CSF1R: variants seen among roughly 807,000 people sequenced by gnomAD.
CSF1R encodes the protein colony stimulating factor 1 receptor, also known as macrophage colony-stimulating factor 1 receptor.
A neutral mutation model predicts 110.0 loss-of-function variants in CSF1R; 40 were observed. The observed-to-expected ratio is 0.36, with a 90% CI of 0.28 to 0.47. CSF1R has a LOEUF of 0.47. Among genes scored for constraint, CSF1R ranks in the 20% least tolerant of loss-of-function variants. The probability of loss-of-function intolerance (pLI) is 0.99; values close to 1 mark genes in which losing one functional copy is unlikely to be tolerated. For missense variants in CSF1R, 1,052 were observed against 1,253.0 expected, an observed-to-expected ratio of 0.84 and a Z score of 2.42; for synonymous variants, 523 against 503.4, an observed-to-expected ratio of 1.04 and a Z score of -0.52.
At chr5:150,069,056 A>C (rs1395944708) in intron 9 of CSF1R, among the ~76,000 whole-genome samples, 1 of 152,198 alleles carries the variant, frequency 6.6e-6, no homozygotes, top group African/African-American at 2.4e-5. Context: ...GGCGCAGCAG[A>C]AGCCTTCAAC....
At chr5:150,097,997 C>G (rs1346400528) in intron 1 of CSF1R, among the ~76,000 whole-genome samples, 1 of 152,166 alleles carries the variant, frequency 6.6e-6, no homozygotes, top group Admixed American at 6.5e-5. Context: ...ACCTGGTTGA[C>G]AGACTCTATA....
Position 150,061,484 on chromosome 5 carries a change from C to T in CSF1R, c.1858+7G>A. The T allele has an allele frequency of 7.6e-7, 1 of 1,313,828 alleles. No individual in the cohort carries two copies. The highest frequency in any genetic ancestry group is 1.1e-6 in the Non-Finnish European group (1 of 926,232). 81.4% of individuals were successfully genotyped at this position (1,313,828 alleles called of 1,614,324 possible). A position where few individuals can be genotyped will look rare whatever the true frequency, so the allele number is the denominator to read the frequency against. On this transcript the variant is annotated splice_region_variant and intron_variant, in intron 12 of 20. Transcript: ENST00000675795. Reference sequence around the variant, plus strand: ...CATCCCTTCCCTCATCCCCTCCCCTCACTCACACTTCAGCATCTTCACAGC... The same window carrying T: ...CATCCCTTCCCTCATCCCCTCCCCTTACTCACACTTCAGCATCTTCACAGC...
intron 13 of CSF1R, among the ~76,000 whole-genome samples, 189 bp from the exon 14 acceptor site, chr5:150,060,051 G>C (rs1011716018): frequency 6.6e-6 from 1 of 152,146 alleles, no homozygotes; most frequent in Admixed American, 6.5e-5. Flanking sequence ...GCTTTGGCGG[G>C]GCACGGTGGC....
intron 18 of CSF1R, 113 bp from the exon 19 acceptor site, chr5:150,055,449 C>G (rs1314658145): frequency 1.2e-6 from 1 of 834,980 alleles, no homozygotes; most frequent in East Asian, 2.5e-5. Flanking sequence ...AACACTGCAA[C>G]AGCAGCTACT....
At chr5:150,066,141 C>A (rs912654328) in intron 10 of CSF1R, among the ~76,000 whole-genome samples, 21 of 152,176 alleles carry the variant, frequency 1.4e-4, no homozygotes, top group African/African-American at 4.8e-4. Flanking sequence ...CAGACCTCCC[C>A]CTCCTTCCAC....
intron 1 of CSF1R, among the ~76,000 whole-genome samples, chr5:150,108,087 A>T (rs554205526): frequency 2.0e-5 from 3 of 152,260 alleles, no homozygotes; most frequent in African/African-American, 7.2e-5. Flanking sequence ...AGATACAGGG[A>T]GGAGGAAGGA....
chr5:150,060,401 AG>A (rs1429102842), intron 13 of CSF1R, among the ~76,000 whole-genome samples: 2 of 152,124 alleles, frequency 1.3e-5, no homozygotes, highest in Non-Finnish European at 2.9e-5. Flanking sequence ...ATTTCTTCAA[AG>A]GAAAGCTATG....
At chr5:150,091,416 T>C (rs1018355816), upstream of CSF1R, among the ~76,000 whole-genome samples, 2 of 152,212 alleles carry the variant, frequency 1.3e-5, no homozygotes, top group African/African-American at 4.8e-5. Flanking sequence ...GTCCATACAA[T>C]TGAATATTAT....
intron 14 of CSF1R, among the ~76,000 whole-genome samples, chr5:150,058,905 T>G (rs1757371823): frequency 6.6e-6 from 1 of 152,260 alleles, no homozygotes; most frequent in South Asian, 2.1e-4. Flanking sequence ...AGGATTCTAG[T>G]CCAGGCTCCA....
intron 19 of CSF1R, 54 bp from the exon 20 acceptor site, chr5:150,054,484 A>G: frequency 2.7e-6 from 4 of 1,457,984 alleles, no homozygotes; most frequent in Non-Finnish European, 3.8e-6. Context: ...TCCAGGGGCC[A>G]TTAACACACA....
intron 16 of CSF1R, among the ~76,000 whole-genome samples, chr5:150,056,962 G>A (rs79878927): frequency 0.017 from 2,654 of 152,150 alleles, 81 homozygotes; most frequent in African/African-American, 0.06. Context: ...GGAAGCTTCC[G>A]TTATCATCCC....
intron 19 of CSF1R, 138 bp downstream of exon 19, chr5:150,055,096 CTTG>C (rs1757143171): frequency 1.5e-6 from 1 of 675,636 alleles, no homozygotes; most frequent in East Asian, 2.8e-5. Context: ...TCAAAAGGGG[CTTG>C]TTGTGTCCAC....
intron 5 of CSF1R, among the ~76,000 whole-genome samples, chr5:150,076,224 C>T (rs1161446106): frequency 6.6e-6 from 1 of 152,204 alleles, no homozygotes; most frequent in African/African-American, 2.4e-5. Context: ...CAGGTTCCCA[C>T]CCAACCCACA....
chr5:150,070,616 T>C (rs1348835407), intron 6 of CSF1R, 45 bp from the exon 7 acceptor site: 13 of 1,353,712 alleles, frequency 9.6e-6, no homozygotes, highest in East Asian at 2.6e-5. Flanking sequence ...CAGCCTAGTA[T>C]GGCCCCTGCC....
At chr5:150,066,243 C>T (rs557733692) in intron 10 of CSF1R, among the ~76,000 whole-genome samples, 2 of 152,298 alleles carry the variant, frequency 1.3e-5, no homozygotes, top group South Asian at 4.1e-4. Flanking sequence ...CTGTCTCGTC[C>T]AGCACCCCGC....
Position 150,077,451 on chromosome 5 carries a change from ATGGAGATGTT to A in CSF1R, c.730-26_730-17del, listed in dbSNP as rs755313348. 6.2e-7 allele frequency: 1 copy of A among 1,607,748 alleles called. No individual in the cohort carries two copies. Among genetic ancestry groups the A allele is most frequent in the African/African-American group, 1.3e-5 (1 of 74,972 alleles). On this transcript the variant is annotated splice_polypyrimidine_tract_variant and intron_variant, in intron 4 of 20. Transcript: ENST00000675795. The stretch of plus-strand genomic sequence containing the variant: ...GGATTGCGAGCTGCAGCCAGAAGGA[ATGGAGATGTT>A]ATACCAAGGTAGTTTAGGGATTAGA...
At chr5:150,090,873 G>A (rs1759016515), upstream of CSF1R, among the ~76,000 whole-genome samples, 2 of 152,124 alleles carry the variant, frequency 1.3e-5, no homozygotes, top group African/African-American at 4.8e-5. Flanking sequence ...TACCTATTGG[G>A]TACAGTGTTC....
intron 6 of CSF1R, among the ~76,000 whole-genome samples, chr5:150,072,185 A>C (rs547382262): frequency 2.0e-5 from 3 of 152,300 alleles, no homozygotes; most frequent in African/African-American, 7.2e-5. Context: ...CTCCCTCTGA[A>C]AGGGCAGGGT....
chr5:150,059,590 G>C, intron 14 of CSF1R, 110 bp downstream of exon 14: 2 of 1,330,598 alleles, frequency 1.5e-6, no homozygotes, highest in Non-Finnish European at 2.1e-6. Context: ...GCAGGTGAGG[G>C]CTGCATAGCC....
Sources: gnomAD v4.1 joint callset for allele counts (sites outside exome capture counted in the v4.1 genomes callset) on GRCh38, gnomAD v4.1.1 for gene constraint, MANE v1.5 for transcripts, NCBI Gene and HGNC (gene_info 2026-07-23, HGNC 2026-07-21) for gene names.